ZNF609: variants seen among roughly 807,000 people sequenced by gnomAD.
ZNF609 encodes the protein zinc finger protein 609.
In ZNF609, 11 loss-of-function variants were observed where a neutral mutation model predicts 109.5. That is an observed-to-expected ratio of 0.10 (90% CI 0.06 to 0.17). The LOEUF (loss-of-function observed/expected upper bound fraction) is 0.17, where lower values mean the gene tolerates loss of function less well. ZNF609 is among the 10% of genes least tolerant of loss of function. The probability of loss-of-function intolerance (pLI) is 1.00; values close to 1 mark genes in which losing one functional copy is unlikely to be tolerated. For synonymous variants in ZNF609, 646 were observed against 662.0 expected (o/e 0.98, Z 0.37); for missense variants, 1,559 against 1,772.4 (o/e 0.88, Z 2.16).
chr15:64,648,139 G>C (rs919799083), intron 3 of ZNF609, among the ~76,000 whole-genome samples: 25 of 152,040 alleles, frequency 1.6e-4, no homozygotes, highest in African/African-American at 5.3e-4. Context: ...CCGAAAATAC[G>C]AGCTCCTGAG....
intron 3 of ZNF609, among the ~76,000 whole-genome samples, chr15:64,632,931 C>G (rs1401277048): frequency 6.6e-6 from 1 of 151,514 alleles, no homozygotes. Flanking sequence ...CACCACCATG[C>G]CCAACTAATT....
At chr15:64,637,155 A>G (rs1483405156) in intron 3 of ZNF609, among the ~76,000 whole-genome samples, 10 of 152,224 alleles carry the variant, frequency 6.6e-5, no homozygotes, top group Non-Finnish European at 1.5e-4. Flanking sequence ...TAGAATCATT[A>G]CAGTATGAGC....
At chr15:64,613,347 G>A (rs1426288003) in intron 2 of ZNF609, among the ~76,000 whole-genome samples, 7 of 151,922 alleles carry the variant, frequency 4.6e-5, no homozygotes, top group African/African-American at 2.4e-5. Context: ...AAAAGGACCC[G>A]AATTTCCTCC....
At chr15:64,517,782 C>CAT (rs541939815) in intron 2 of ZNF609, among the ~76,000 whole-genome samples, 1 of 150,902 alleles carries the variant, frequency 6.6e-6, no homozygotes, top group East Asian at 1.9e-4. Flanking sequence ...AAAAATTATA[C>CAT]ATATATATTA....
Position 64,641,219 on chromosome 15 carries a change from C to CTTTTTTTT in ZNF609, c.973+18175_973+18182dup, listed in dbSNP as rs34007985. 2.7e-3 allele frequency among the ~76,000 whole-genome samples: 185 copies of CTTTTTTTT among 69,714 alleles called. 11 individuals carry two copies. Among genetic ancestry groups the CTTTTTTTT allele is most frequent in the Admixed American group, 5.4e-3 (23 of 4,256 alleles). 45.7% of individuals were successfully genotyped at this position (69,714 alleles called of 152,430 possible). On this transcript the variant is annotated intron_variant, in intron 3 of 9. Coordinates refer to ENST00000326648, the MANE Select transcript of ZNF609 (RefSeq NM_015042.2). ...TGGGTGTTAGTTACACTTGTGCTTT[C>CTTTTTTTT]TTTTTTTTTTTTTTTGAGATGGAGT...
At position 64,622,846 on chromosome 15, in the gene ZNF609, C is replaced by T. The variant is rs749480910; in HGVS notation, c.767C>T (p.Thr256Ile). The T allele has an allele frequency of 1.7e-5, 28 of 1,614,138 alleles. No homozygotes were observed. Among genetic ancestry groups the T allele is most frequent in the Non-Finnish European group, 4.2e-6 (5 of 1,180,042 alleles). The change falls in exon 3 of 10, where the codon ACA becomes ATA. Residue 256 changes from threonine (T) to isoleucine (I), a missense_variant. By Grantham distance (89) the Thr-to-Ile change is moderately conservative. Coordinates refer to ENST00000326648, the MANE Select transcript of ZNF609 (RefSeq NM_015042.2). ...CCACAGATGGAGTCCCCTGTTTCCA[C>T]ACCAGCAGTGCTGCCAATACACCTT... ...KSEKMESPVSTPAVLPIHLLV... is the reference protein window; with the variant it reads ...KSEKMESPVSIPAVLPIHLLV...
intron 2 of ZNF609, among the ~76,000 whole-genome samples, chr15:64,614,162 C>A (rs1895761557): frequency 6.6e-6 from 1 of 151,952 alleles, no homozygotes; most frequent in South Asian, 2.1e-4. Context: ...CTCAAGTGAT[C>A]TGCCCACCTT....
intron 2 of ZNF609, among the ~76,000 whole-genome samples, chr15:64,558,444 TTAAAA>T (rs1405233635): frequency 6.6e-6 from 1 of 152,246 alleles, no homozygotes; most frequent in Non-Finnish European, 1.5e-5. Flanking sequence ...TGGAATACTC[TTAAAA>T]TAATGCTTGG....
At chr15:64,551,195 A>G (rs1894464056) in intron 2 of ZNF609, among the ~76,000 whole-genome samples, 1 of 152,160 alleles carries the variant, frequency 6.6e-6, no homozygotes, top group Non-Finnish European at 1.5e-5. Flanking sequence ...ATCTGGGACT[A>G]TAGGCATGCA....
At chr15:64,605,121 G>A (rs1048806209) in intron 2 of ZNF609, among the ~76,000 whole-genome samples, 7 of 152,070 alleles carry the variant, frequency 4.6e-5, no homozygotes, top group African/African-American at 1.7e-4. Context: ...ATAAGCCACC[G>A]TGCCCGGCCT....
chr15:64,609,128 CTTTT>C (rs72081834), intron 2 of ZNF609, among the ~76,000 whole-genome samples: 3 of 101,024 alleles, frequency 3.0e-5, no homozygotes, highest in South Asian at 3.2e-4. Flanking sequence ...TTCTTTCTTT[CTTTT>C]TTTCTTTCTT....
chr15:64,520,156 G>C (rs1208558201), intron 2 of ZNF609, among the ~76,000 whole-genome samples: 1 of 152,156 alleles, frequency 6.6e-6, no homozygotes, highest in African/African-American at 2.4e-5. Flanking sequence ...CCTTTCTGGA[G>C]AAGCAGTACA....
chr15:64,573,346 C>CTTTTTTTTTT lies in ZNF609; in HGVS notation c.748-49464_748-49455dup. On this transcript the variant is annotated intron_variant, in intron 2 of 9. Transcript: ENST00000326648. ...GCAGTAGAGTTAGTGGCCCAACTTTCTTTTTTTTTTTTTTTTTTTTTTTTT... is the reference window on the plus strand; with the variant it reads ...GCAGTAGAGTTAGTGGCCCAACTTTCTTTTTTTTTTTTTTTTTTTTTTTTTTTTTTTTTTT... Among the ~76,000 whole-genome samples the CTTTTTTTTTT allele has an allele frequency of 1.2e-3, 89 of 72,978 alleles. 22 individuals carry two copies. The highest frequency in any genetic ancestry group is 2.8e-3 in the South Asian group (5 of 1,808). The allele number at this position is 72,978 out of a possible 152,430, so 47.9% of individuals were successfully genotyped here.
chr15:64,543,736 G>C (rs1460306028), intron 2 of ZNF609, among the ~76,000 whole-genome samples: 2 of 152,048 alleles, frequency 1.3e-5, no homozygotes, highest in African/African-American at 4.8e-5. Context: ...AAGCCACCAC[G>C]CTCAGCCTCT....
Position 64,468,306 on chromosome 15 carries a change from TCTC to T in ZNF609, c.-128+7477_-128+7479del, listed in dbSNP as rs1330495210. On this transcript the variant is annotated intron_variant, in intron 1 of 9. Coordinates refer to ENST00000326648, the MANE Select transcript of ZNF609 (RefSeq NM_015042.2). ...TCCTTCCTTCCTTCATTTTCTCCTC[TCTC>T]CTCCTCCTTCTGCTTCTCCTTCCTT... Among the ~76,000 whole-genome samples, 3 of 151,074 alleles carry T rather than the reference TCTC, an allele frequency of 2.0e-5. No homozygotes were observed. The South Asian group carries it at 6.3e-4, about 32-fold the overall frequency.
At position 64,612,310 on chromosome 15, in the gene ZNF609, G is replaced by T. The variant is rs545802768; in HGVS notation, c.748-10517G>T. Among the ~76,000 whole-genome samples, 134 of 151,554 alleles carry T rather than the reference G, an allele frequency of 8.8e-4. 3 individuals carry two copies. The highest frequency in any genetic ancestry group is 3.2e-3 in the African/African-American group (133 of 41,280). On this transcript the variant is annotated intron_variant, in intron 2 of 9. Coordinates refer to ENST00000326648, the MANE Select transcript of ZNF609 (RefSeq NM_015042.2). Reference sequence around the variant, plus strand: ...CTACAGGTGCCCGCCACCACGCCCGGTTAATTTTTTTTGTATTTTTAGTGG... The same window carrying T: ...CTACAGGTGCCCGCCACCACGCCCGTTTAATTTTTTTTGTATTTTTAGTGG...
chr15:64,668,324 C>G (rs1208126353), intron 3 of ZNF609, among the ~76,000 whole-genome samples: 2 of 152,122 alleles, frequency 1.3e-5, no homozygotes, highest in Non-Finnish European at 2.9e-5. Flanking sequence ...ACAAATACAA[C>G]AAGACTGTGA....
At chr15:64,550,852 A>G (rs921350960) in intron 2 of ZNF609, among the ~76,000 whole-genome samples, 36 of 152,116 alleles carry the variant, frequency 2.4e-4, no homozygotes, top group African/African-American at 7.2e-4. Flanking sequence ...AAAAAAAAAA[A>G]AAAAGAAACA....
At chr15:64,576,906 A>G (rs1008870357) in intron 2 of ZNF609, among the ~76,000 whole-genome samples, 8 of 132,034 alleles carry the variant, frequency 6.1e-5, no homozygotes, top group African/African-American at 2.1e-4. Context: ...ATACATATAT[A>G]TGTATATATA....
Sources: gnomAD v4.1 joint callset for allele counts (sites outside exome capture counted in the v4.1 genomes callset) on GRCh38, gnomAD v4.1.1 for gene constraint, MANE v1.5 for transcripts, NCBI Gene and HGNC (gene_info 2026-07-23, HGNC 2026-07-21) for gene names.